Variants in DOCK1 observed in about 807,000 individuals in gnomAD.
DOCK1 encodes the protein dedicator of cytokinesis protein 1.
A neutral mutation model predicts 262.7 loss-of-function variants in DOCK1; 138 were observed. The observed-to-expected ratio is 0.53, with a 90% CI of 0.46 to 0.61. DOCK1 has a LOEUF of 0.61. DOCK1 is among the 20% of genes least tolerant of loss of function. The probability of loss-of-function intolerance (pLI) is 0.00; values close to 1 mark genes in which losing one functional copy is unlikely to be tolerated. For missense variants in DOCK1, 1,908 were observed against 2,370.7 expected (o/e 0.80, Z 4.05); for synonymous variants, 866 against 867.4 (o/e 1.00, Z 0.03).
At chr10:126,941,584 G>A (rs1020241850) in intron 1 of DOCK1, among the ~76,000 whole-genome samples, 24 of 152,252 alleles carry the variant, frequency 1.6e-4, no homozygotes, top group East Asian at 3.9e-4. Flanking sequence ...GTGAAACCCT[G>A]TCTCTACTAA....
In DOCK1 at chr10:127,410,859, G is replaced by A. The variant is rs747221336; in HGVS notation, c.4363G>A (p.Val1455Ile). 1 of 1,613,886 alleles carries A rather than the reference G, an allele frequency of 6.2e-7. No individual in the cohort carries two copies. Among genetic ancestry groups the A allele is most frequent in the Non-Finnish European group, 8.5e-7 (1 of 1,179,878 alleles). ...GTACAGTTTTTACAGGGTGAACGAG[G>A]TCCAGCGATTTGAATATTCTCGGCC... ...QIVSFYRVNE[V>I]QRFEYSRPIR... The change falls in exon 43 of 52, where the codon GTC becomes ATC. Residue 1455 changes from valine to isoleucine, a missense_variant. Physicochemically the swap from Val to Ile is conservative, Grantham distance 29 (BLOSUM62 3). Transcript: ENST00000623213.
chr10:127,122,640 T>G (rs925489184), intron 25 of DOCK1, among the ~76,000 whole-genome samples: 92 of 151,858 alleles, frequency 6.1e-4, no homozygotes, highest in African/African-American at 2.2e-3. Flanking sequence ...TTTTTTTTTT[T>G]TTTTTACATC....
At chr10:127,345,634 G>A (rs1344753569) in intron 31 of DOCK1, among the ~76,000 whole-genome samples, 2 of 152,238 alleles carry the variant, frequency 1.3e-5, no homozygotes, top group Non-Finnish European at 2.9e-5. Flanking sequence ...TGAGAATGGT[G>A]TAGGCAGAGT....
chr10:127,313,032 A>G (rs923704184), intron 29 of DOCK1, among the ~76,000 whole-genome samples: 1 of 151,992 alleles, frequency 6.6e-6, no homozygotes, highest in Non-Finnish European at 1.5e-5. Flanking sequence ...GCTGCAAACA[A>G]ACTGAAGCTC....
In DOCK1 at chr10:127,004,566, C is replaced by A. The variant is rs909316240; in HGVS notation, c.986-4166C>A. ...ATTCAAGACCAGCCTGACAACATGG[C>A]AAAACCTCGTCTCTACTAAAAAATA... is the stretch of plus-strand genomic sequence containing the variant. On this transcript the variant is annotated intron_variant, in intron 10 of 51. Coordinates refer to ENST00000623213, the MANE Select transcript of DOCK1 (RefSeq NM_001290223.2). 2.6e-5 allele frequency among the ~76,000 whole-genome samples: 4 copies of A among 151,930 alleles called. No individual in the cohort carries two copies. The South Asian group carries it at 8.3e-4, about 32-fold the overall frequency.
intron 39 of DOCK1, among the ~76,000 whole-genome samples, chr10:127,403,541 C>T (rs1277325982): frequency 1.3e-5 from 2 of 152,138 alleles, no homozygotes; most frequent in African/African-American, 2.4e-5. Flanking sequence ...AGGCGGATCA[C>T]GAGGTCAGGA....
At chr10:126,937,381 T>A (rs1438853184) in intron 1 of DOCK1, among the ~76,000 whole-genome samples, 10 of 152,206 alleles carry the variant, frequency 6.6e-5, no homozygotes, top group Admixed American at 6.5e-4. Flanking sequence ...ATATAGTAAT[T>A]CTATTTTTAG....
At chr10:126,927,646 G>A (rs999466824) in intron 1 of DOCK1, among the ~76,000 whole-genome samples, 1 of 152,130 alleles carries the variant, frequency 6.6e-6, no homozygotes, top group Admixed American at 6.5e-5. Context: ...CTTGTTGGTC[G>A]TGCTGGCCTC....
chr10:127,044,896 A>G (rs2044240931), intron 21 of DOCK1, among the ~76,000 whole-genome samples: 1 of 152,100 alleles, frequency 6.6e-6, no homozygotes, highest in Admixed American at 6.5e-5. Context: ...TGGGACTGAG[A>G]TAAGAATAGT....
chr10:127,337,010 G>A (rs889103486), intron 29 of DOCK1, among the ~76,000 whole-genome samples: 4 of 152,102 alleles, frequency 2.6e-5, no homozygotes, highest in Non-Finnish European at 4.4e-5. Context: ...TTGTCATAGA[G>A]GGCTGGAAAG....
chr10:126,980,709 A>T (rs1319477596), intron 3 of DOCK1, among the ~76,000 whole-genome samples: 1 of 148,614 alleles, frequency 6.7e-6, no homozygotes, highest in Non-Finnish European at 1.5e-5. Flanking sequence ...TTTCTGCATC[A>T]TTCAGGGCTG....
intron 29 of DOCK1, among the ~76,000 whole-genome samples, chr10:127,323,743 G>C (rs2062637068): frequency 1.3e-5 from 2 of 152,208 alleles, no homozygotes; most frequent in Admixed American, 1.3e-4. Context: ...GCAAATTGGG[G>C]AGAGTAATTG....
chr10:127,417,608 A>C (rs2134455794), intron 44 of DOCK1, among the ~76,000 whole-genome samples: 1 of 151,862 alleles, frequency 6.6e-6, no homozygotes, highest in Admixed American at 6.6e-5. Flanking sequence ...TTGGAGTCTC[A>C]CTCTGTTGCC....
intron 1 of DOCK1, among the ~76,000 whole-genome samples, chr10:126,912,283 A>C (rs1199668356): frequency 6.6e-6 from 1 of 152,022 alleles, no homozygotes; most frequent in African/African-American, 2.4e-5. Flanking sequence ...ACAAAAAATT[A>C]ACCTGGTATG....
chr10:127,145,490 A>G (rs1460205301), intron 27 of DOCK1, among the ~76,000 whole-genome samples: 1 of 152,050 alleles, frequency 6.6e-6, no homozygotes, highest in Non-Finnish European at 1.5e-5. Flanking sequence ...TTTGACAGAA[A>G]CTGTGTTATA....
chr10:127,201,137 A>G (rs181231769), intron 27 of DOCK1, among the ~76,000 whole-genome samples: 2 of 152,366 alleles, frequency 1.3e-5, no homozygotes, highest in East Asian at 3.9e-4. Context: ...AGAACAAGAC[A>G]GACACAATCC....
intron 27 of DOCK1, among the ~76,000 whole-genome samples, chr10:127,188,629 C>T (rs1049490507): frequency 9.2e-5 from 14 of 152,310 alleles, no homozygotes; most frequent in South Asian, 4.1e-4. Flanking sequence ...GTAGTCCTTA[C>T]GAACTGGGGC....
intron 33 of DOCK1, among the ~76,000 whole-genome samples, chr10:127,362,963 CCA>C: frequency 2.2e-4 from 1 of 4,536 alleles, no homozygotes; most frequent in Non-Finnish European, 3.7e-4. Flanking sequence ...ATGTGCATCC[CCA>C]CATACACATA....
At position 127,343,756 on chromosome 10, in the gene DOCK1, C is replaced by T. The variant is rs775781655; in HGVS notation, c.3224+10C>T. On this transcript the variant is annotated intron_variant, in intron 31 of 51. Transcript: ENST00000623213. ...CCAAAATCCTTAACAAGTAAGTTCT[C>T]ATCTAGCTCTGAAACTGCAGGCAGG... 2.3e-5 allele frequency: 36 copies of T among 1,590,494 alleles called. No homozygotes were observed. The highest frequency in any genetic ancestry group is 1.8e-5 in the Admixed American group (1 of 56,608).
Sources: gnomAD v4.1 joint callset for allele counts (sites outside exome capture counted in the v4.1 genomes callset) on GRCh38, gnomAD v4.1.1 for gene constraint, MANE v1.5 for transcripts, NCBI Gene and HGNC (gene_info 2026-07-23, HGNC 2026-07-21) for gene names.